Variants in APAF1 observed in about 807,000 individuals in gnomAD.
The protein encoded by APAF1 is apoptotic peptidase activating factor 1.
Under a neutral mutation model 152.4 loss-of-function variants are expected in APAF1, and 91 were observed. The observed-to-expected ratio is 0.60, with a 90% CI of 0.50 to 0.71. APAF1 has a LOEUF of 0.71. Among genes scored for constraint, APAF1 ranks in the 30% least tolerant of loss-of-function variants. The pLI is 0.00. For synonymous variants in APAF1, 484 were observed against 494.1 expected, an observed-to-expected ratio of 0.98 and a Z score of 0.27; for missense variants, 1,283 against 1,472.0, an observed-to-expected ratio of 0.87 and a Z score of 2.10.
At chr12:98,679,336 A>G (rs562620745) in intron 13 of APAF1, among the ~76,000 whole-genome samples, 1 of 152,156 alleles carries the variant, frequency 6.6e-6, no homozygotes, top group Admixed American at 6.5e-5. Context: ...ACTTGTCAGG[A>G]GGACTTGCCT....
intron 21 of APAF1, 60 bp downstream of exon 21, chr12:98,712,495 T>C (rs2097729086): frequency 1.0e-6 from 1 of 969,332 alleles, no homozygotes; most frequent in Non-Finnish European, 1.7e-6. Flanking sequence ...TAATTATATG[T>C]CTGGCATTGT....
At chr12:98,704,866 A>G (rs2097719663) in intron 18 of APAF1, among the ~76,000 whole-genome samples, 1 of 151,852 alleles carries the variant, frequency 6.6e-6, no homozygotes, top group Non-Finnish European at 1.5e-5. Context: ...TGCAACCTCC[A>G]CCTCCCGGGT....
At chr12:98,655,886 C>T (rs2097656856) in intron 4 of APAF1, among the ~76,000 whole-genome samples, 2 of 151,950 alleles carry the variant, frequency 1.3e-5, no homozygotes, top group African/African-American at 4.8e-5. Flanking sequence ...CGGGTTCACA[C>T]CATTCTCCTG....
At chr12:98,725,173 T>C (rs1382068485) in intron 24 of APAF1, among the ~76,000 whole-genome samples, 1 of 152,192 alleles carries the variant, frequency 6.6e-6, no homozygotes, top group East Asian at 1.9e-4. Context: ...TGTTCTTCTG[T>C]CTAGGTCTAA....
intron 4 of APAF1, among the ~76,000 whole-genome samples, chr12:98,651,143 G>A (rs1445161609): frequency 6.6e-6 from 1 of 152,122 alleles, no homozygotes. Context: ...CATATTCCTC[G>A]TACTTTTGTG....
Position 98,645,465 on chromosome 12 carries a change from G to C in APAF1, c.-412G>C, listed in dbSNP as rs1409243542. 6.6e-6 allele frequency: 1 copy of C among 152,324 alleles called. No homozygotes were observed. The highest frequency in any genetic ancestry group is 2.4e-5 in the African/African-American group (1 of 41,454). The allele number at this position is 152,324 out of a possible 1,614,324, so 9.4% of individuals were successfully genotyped here. On this transcript the variant is annotated 5_prime_UTR_variant, in exon 1 of 27. Transcript: ENST00000551964. ...GGGTGCAGCCGCCGTCGGGGGAAGGGCGCCACAGGCCGGGAAGACCTCCTC... is the reference window on the plus strand; with the variant it reads ...GGGTGCAGCCGCCGTCGGGGGAAGGCCGCCACAGGCCGGGAAGACCTCCTC...
At chr12:98,673,827 TATAATGC>T (rs1456283759) in intron 12 of APAF1, among the ~76,000 whole-genome samples, 3 of 152,174 alleles carry the variant, frequency 2.0e-5, no homozygotes, top group African/African-American at 4.8e-5. Context: ...ATAATTACAA[TATAATGC>T]AATGAGTATA....
chr12:98,691,503 T>A (rs1378823263), intron 16 of APAF1, among the ~76,000 whole-genome samples: 1 of 152,182 alleles, frequency 6.6e-6, no homozygotes, highest in East Asian at 1.9e-4. Flanking sequence ...CTCTGTTTCC[T>A]GACTACCTAC....
intron 7 of APAF1, among the ~76,000 whole-genome samples, chr12:98,664,232 T>C (rs781292200): frequency 5.2e-4 from 79 of 151,480 alleles, no homozygotes; most frequent in Non-Finnish European, 1.0e-3. Context: ...TTGGCCAGGG[T>C]AGTCTTGAAC....
In APAF1 at chr12:98,666,172, A is replaced by G; in HGVS notation, c.1195-18A>G. 1 of 1,612,112 alleles carries G rather than the reference A, an allele frequency of 6.2e-7. No individual in the cohort carries two copies. The highest frequency in any genetic ancestry group is 8.5e-7 in the Non-Finnish European group (1 of 1,178,304). On this transcript the variant is annotated intron_variant, in intron 8 of 26. Coordinates refer to ENST00000551964, the MANE Select transcript of APAF1 (RefSeq NM_181861.2). ...ATTGTACTTTTGTGGCATATTAAATACTTACAACAATTCCTAGGTGTTATG... is the reference window on the plus strand; with the variant it reads ...ATTGTACTTTTGTGGCATATTAAATGCTTACAACAATTCCTAGGTGTTATG...
chr12:98,703,341 C>A, intron 17 of APAF1, 30 bp from the exon 18 acceptor site: 1 of 1,612,286 alleles, frequency 6.2e-7, no homozygotes. Flanking sequence ...AGTATTTTAC[C>A]TTCATAGGTA....
In APAF1 at chr12:98,648,697, A is replaced by G; in HGVS notation, c.210A>G (p.Ser70=). 1 of 1,613,936 alleles carries G rather than the reference A, an allele frequency of 6.2e-7. No individual in the cohort carries two copies. The highest frequency in any genetic ancestry group is 1.1e-5 in the South Asian group (1 of 91,080). The part of the protein sequence containing the change: ...ILKKDNDSYV[S]FYNALLHEGY... Reference sequence around the variant, plus strand: ...AAAAAGATAATGATTCCTACGTATCATTCTACAATGCTCTACTACATGAAG... The same window carrying G: ...AAAAAGATAATGATTCCTACGTATCGTTCTACAATGCTCTACTACATGAAG... The change falls in exon 3 of 27, where the codon TCA becomes TCG. Residue 70 remains serine, a synonymous_variant. Coordinates refer to ENST00000551964, the MANE Select transcript of APAF1 (RefSeq NM_181861.2).
At position 98,735,134 on chromosome 12, in the gene APAF1, A is replaced by G. The variant is rs1240169670; in HGVS notation, c.*2568A>G. The G allele has an allele frequency of 2.5e-6, 1 of 398,634 alleles. No homozygotes were observed. Among genetic ancestry groups the G allele is most frequent in the African/African-American group, 2.1e-5 (1 of 48,644 alleles). 24.7% of individuals were successfully genotyped at this position (398,634 alleles called of 1,614,324 possible). A position where few individuals can be genotyped will look rare whatever the true frequency, so the allele number is the denominator to read the frequency against. On this transcript the variant is annotated 3_prime_UTR_variant, in exon 27 of 27. Transcript: ENST00000551964. The stretch of plus-strand genomic sequence containing the variant: ...TAACATGAAGAAAGAAGAGATACCT[A>G]GTATGATGGAGCTGCAAATTTCATG...
rs1354034619 is a variant in APAF1 at position 98,667,719 on chromosome 12, T to C, written c.1494+75T>C. On this transcript the variant is annotated intron_variant, in intron 10 of 26. Coordinates refer to ENST00000551964, the MANE Select transcript of APAF1 (RefSeq NM_181861.2). ...ATGTATTACAAATAAGTGCTTTTTT[T>C]CTGTTATTTTTTGTCTTGAATTTTG... 2.8e-5 allele frequency: 41 copies of C among 1,470,844 alleles called. No individual in the cohort carries two copies. The East Asian group carries it at 8.9e-4, about 32-fold the overall frequency. 91.1% of individuals were successfully genotyped at this position (1,470,844 alleles called of 1,614,324 possible).
intron 12 of APAF1, among the ~76,000 whole-genome samples, chr12:98,674,173 G>T (rs865816345): frequency 6.6e-6 from 1 of 151,754 alleles, no homozygotes; most frequent in Non-Finnish European, 1.5e-5. Context: ...TTATTTTTTT[G>T]TAGAGATAAG....
intron 4 of APAF1, among the ~76,000 whole-genome samples, chr12:98,657,592 G>A (rs916122840): frequency 6.6e-6 from 1 of 152,160 alleles, no homozygotes; most frequent in African/African-American, 2.4e-5. Context: ...TACATATAAG[G>A]TTCAGTTGGG....
intron 21 of APAF1, among the ~76,000 whole-genome samples, chr12:98,715,132 T>A (rs948343809): frequency 6.8e-6 from 1 of 146,900 alleles, no homozygotes; most frequent in African/African-American, 2.5e-5. Flanking sequence ...AAGTGGGTAG[T>A]TGAGTACTCA....
At chr12:98,686,347 C>T (rs1035724849) in intron 15 of APAF1, among the ~76,000 whole-genome samples, 2 of 152,144 alleles carry the variant, frequency 1.3e-5, no homozygotes, top group Admixed American at 1.3e-4. Flanking sequence ...ACTTGCTCCA[C>T]CATTTTTAGG....
chr12:98,698,653 G>A (rs1593082638), intron 16 of APAF1, among the ~76,000 whole-genome samples: 1 of 152,296 alleles, frequency 6.6e-6, no homozygotes, highest in Admixed American at 6.5e-5. Context: ...CTGACTTAAA[G>A]CCTGAGCAGC....
Sources: gnomAD v4.1 joint callset for allele counts (sites outside exome capture counted in the v4.1 genomes callset) on GRCh38, gnomAD v4.1.1 for gene constraint, MANE v1.5 for transcripts, NCBI Gene and HGNC (gene_info 2026-07-23, HGNC 2026-07-21) for gene names.